Variants in WRN observed in about 807,000 individuals in gnomAD.
WRN encodes WRN RecQ like helicase, also known as bifunctional 3'-5' exonuclease/ATP-dependent helicase WRN.
In WRN, 149 loss-of-function variants were observed where a neutral mutation model predicts 180.7. The ratio of observed to expected loss-of-function variants is 0.82; its 90% CI spans 0.72 to 0.94. WRN has a LOEUF of 0.94. Ranked by LOEUF, WRN falls within the 40% of genes least tolerant of loss-of-function variation. WRN has a pLI of 0.00. For synonymous variants in WRN, 548 were observed against 568.9 expected, an observed-to-expected ratio of 0.96 and a Z score of 0.52; for missense variants, 1,661 against 1,700.1, an observed-to-expected ratio of 0.98 and a Z score of 0.40.
chr8:31,110,330 C>T (rs935153409), intron 18 of WRN, among the ~76,000 whole-genome samples: 1 of 152,066 alleles, frequency 6.6e-6, no homozygotes, highest in African/African-American at 2.4e-5. Flanking sequence ...AGCCACAAAT[C>T]AATGAAATTA....
rs1814110847 is a variant in WRN, at chr8:31,099,168, GC to G, written c.1982-1680del. Among the ~76,000 whole-genome samples, 7 of 152,072 alleles carry G rather than the reference GC, an allele frequency of 4.6e-5. No individual in the cohort carries two copies. In the South Asian group the frequency reaches 1.5e-3, roughly 32 times the overall value. ...AATCCCAGCACTTTGGGAGGCCGAG[GC>G]GGGTGGATCATGAGGTCAGGAGATC... On this transcript the variant is annotated intron_variant, in intron 17 of 34. Coordinates refer to ENST00000298139, the MANE Select transcript of WRN (RefSeq NM_000553.6).
At position 31,090,672 on chromosome 8, in the gene WRN, C is replaced by T. The variant is rs542493361; in HGVS notation, c.1720+140C>T. The T allele has an allele frequency of 2.2e-5, 24 of 1,067,252 alleles. No individual in the cohort carries two copies. The African/African-American group carries it at 3.9e-4, about 17-fold the overall frequency. The allele number at this position is 1,067,252 out of a possible 1,614,324, so 66.1% of individuals were successfully genotyped here. A position where few individuals can be genotyped will look rare whatever the true frequency, so the allele number is the denominator to read the frequency against. ...ACTATAGAAGAGAGTGAACAAAGAA[C>T]AGATGCTCAGATTTATGTATCAATT... On this transcript the variant is annotated intron_variant, in intron 14 of 34. Coordinates refer to ENST00000298139, the MANE Select transcript of WRN (RefSeq NM_000553.6).
At chr8:31,143,073 T>TCTCACA (rs1554533199) in intron 27 of WRN, among the ~76,000 whole-genome samples, 10 of 146,296 alleles carry the variant, frequency 6.8e-5, no homozygotes, top group Non-Finnish European at 1.5e-4. Context: ...TCTCTCTCTC[T>TCTCACA]CACACACACA....
chr8:31,154,508 T>C, intron 31 of WRN, 116 bp from the exon 32 acceptor site: 1 of 1,237,544 alleles, frequency 8.1e-7, no homozygotes, highest in Non-Finnish European at 1.1e-6. Context: ...AGGGAATTAT[T>C]TGTTGCTTAT....
chr8:31,120,589 T>C (rs1004155130), intron 21 of WRN, among the ~76,000 whole-genome samples, 165 bp downstream of exon 21: 5 of 149,878 alleles, frequency 3.3e-5, no homozygotes, highest in African/African-American at 1.2e-4. Flanking sequence ...CCAGAGGACA[T>C]GTAAGAAGAA....
In WRN at chr8:31,150,417, G is replaced by A. The variant is rs376485135; in HGVS notation, c.3649G>A (p.Glu1217Lys). Residue 1217 changes from glutamate (E) to lysine (K), a missense_variant, in exon 31 of 35, where the codon GAA becomes AAA. Glu to Lys is a moderately conservative substitution (Grantham distance 56). This residue lies in a region of WRN where 1,141 missense variants were observed against 1,149.4 expected (regional missense o/e 0.99). Transcript: ENST00000298139. ...GKAAMLAPLLEVIKHFCQTNS... is the reference protein window; with the variant it reads ...GKAAMLAPLLKVIKHFCQTNS... The stretch of plus-strand genomic sequence containing the variant: ...AGCTGCCATGTTGGCCCCTCTGTTG[G>A]AAGTCATCAAACATTTCTGCCAAAC... 8 of 1,614,144 alleles carry A rather than the reference G, an allele frequency of 5.0e-6. No individual in the cohort carries two copies. Among genetic ancestry groups the A allele is most frequent in the African/African-American group, 1.3e-5 (1 of 75,052 alleles).
At chr8:31,162,334 C>T (rs1409596997) in intron 33 of WRN, among the ~76,000 whole-genome samples, 1 of 151,994 alleles carries the variant, frequency 6.6e-6, no homozygotes, top group Non-Finnish European at 1.5e-5. Flanking sequence ...CAAAAACCCA[C>T]ACATCAGCCT....
intron 7 of WRN, among the ~76,000 whole-genome samples, chr8:31,075,906 C>T (rs1378498350): frequency 6.6e-6 from 1 of 152,170 alleles, no homozygotes; most frequent in Non-Finnish European, 1.5e-5. Context: ...TTTCCACCTT[C>T]TCCTTCTGCC....
intron 3 of WRN, among the ~76,000 whole-genome samples, chr8:31,063,137 CAT>C (rs1013658965): frequency 2.6e-5 from 4 of 152,282 alleles, no homozygotes; most frequent in Admixed American, 1.3e-4. Flanking sequence ...TGGCTGCTCA[CAT>C]GTTTTTTATA....
At chr8:31,123,179 A>G (rs554769580) in intron 21 of WRN, among the ~76,000 whole-genome samples, 1 of 152,146 alleles carries the variant, frequency 6.6e-6, no homozygotes, top group South Asian at 2.1e-4. Context: ...CGGTGCATTC[A>G]CGTTGTATTT....
intron 1 of WRN, among the ~76,000 whole-genome samples, chr8:31,047,442 G>C (rs1257939834): frequency 1.3e-5 from 2 of 152,116 alleles, no homozygotes; most frequent in Admixed American, 1.3e-4. Flanking sequence ...CTGAGTTTCT[G>C]AATCATCATT....
intron 28 of WRN, among the ~76,000 whole-genome samples, chr8:31,144,887 G>A (rs571845163): frequency 6.6e-6 from 1 of 152,294 alleles, no homozygotes; most frequent in East Asian, 1.9e-4. Flanking sequence ...AGTTTTAGTG[G>A]TCTTTATAGG....
chr8:31,120,202 G>T, intron 20 of WRN, 41 bp from the exon 21 acceptor site: 1 of 1,609,710 alleles, frequency 6.2e-7, no homozygotes, highest in East Asian at 2.2e-5. Context: ...TTTTCATTCT[G>T]CTAAATATGT....
At chr8:31,125,631 T>A (rs73230765) in intron 23 of WRN, among the ~76,000 whole-genome samples, 5,774 of 140,088 alleles carry the variant, frequency 0.041, 170 homozygotes, top group South Asian at 0.075. Context: ...TTTGAAGAAT[T>A]AGCTCACGAA....
At chr8:31,157,290 A>G (rs193011561) in intron 32 of WRN, 78 bp from the exon 33 acceptor site, 2 of 1,588,880 alleles carry the variant, frequency 1.3e-6, no homozygotes, top group Non-Finnish European at 1.7e-6. Flanking sequence ...TACTACCTGA[A>G]TGTTTTGGAC....
At chr8:31,167,257 A>T (rs1585550391) in intron 34 of WRN, 27 bp downstream of exon 34, 3 of 1,587,154 alleles carry the variant, frequency 1.9e-6, no homozygotes, top group South Asian at 1.1e-5. Context: ...GAATTTTCAT[A>T]AAGTGTCAGT....
chr8:31,154,738 GA>G lies in WRN; in HGVS notation c.3806del (p.Lys1269ArgfsTer5), dbSNP rs781412016. 6.2e-7 allele frequency: 1 copy of G among 1,613,422 alleles called. No individual in the cohort carries two copies. The highest frequency in any genetic ancestry group is 8.5e-7 in the Non-Finnish European group (1 of 1,179,652). On this transcript the variant is annotated frameshift_variant, in exon 32 of 35. Transcript: ENST00000298139. LOFTEE classifies it high-confidence loss of function. ...GGCCATCACATACTCTTTATTCCAAGAAAAGAAGATGCCTTTGGTAAGTGTG... is the reference window on the plus strand; with the variant it reads ...GGCCATCACATACTCTTTATTCCAAGAAAGAAGATGCCTTTGGTAAGTGTG... ...SMAITYSLFQ[E>X]KKMPLKSIAE...
chr8:31,167,444 T>C (rs1803945222), intron 34 of WRN, among the ~76,000 whole-genome samples: 1 of 152,146 alleles, frequency 6.6e-6, no homozygotes, highest in South Asian at 2.1e-4. Context: ...GTTTAGCTTA[T>C]TATGTAGAAT....
intron 24 of WRN, 27 bp downstream of exon 24, chr8:31,132,533 C>T (rs760476533): frequency 6.2e-7 from 1 of 1,613,834 alleles, no homozygotes; most frequent in Non-Finnish European, 8.5e-7. Context: ...GAATTCCCTT[C>T]ATAGATCTTC....
Sources: allele counts gnomAD v4.1 joint callset (sites outside exome capture counted in the v4.1 genomes callset), GRCh38; gene constraint gnomAD v4.1.1; regional missense constraint gnomAD v4.1.1; transcripts MANE v1.5; gene names NCBI Gene and HGNC (gene_info 2026-07-23, HGNC 2026-07-21).